The following NFYB variants were observed in gnomAD, a reference collection of about 807,000 sequenced individuals.
NFYB encodes the protein CAAT box DNA-binding protein subunit B.
NFYB carries 13 observed loss-of-function variants against 28.0 expected under a neutral mutation model. The observed-to-expected ratio is 0.46, with a 90% CI of 0.30 to 0.74. The LOEUF (loss-of-function observed/expected upper bound fraction) is 0.74, where lower values mean the gene tolerates loss of function less well. Among genes scored for constraint, NFYB ranks in the 30% least tolerant of loss-of-function variants. The pLI, the probability that NFYB is intolerant of heterozygous loss-of-function variation, is 0.07. For missense variants in NFYB, 142 were observed against 247.6 expected, an observed-to-expected ratio of 0.57 and a Z score of 2.86; for synonymous variants, 74 against 75.0, an observed-to-expected ratio of 0.99 and a Z score of 0.07.
chr12:104,128,902 A>C (rs898337442), intron 2 of NFYB, among the ~76,000 whole-genome samples: 4 of 152,062 alleles, frequency 2.6e-5, no homozygotes, highest in Non-Finnish European at 5.9e-5. Flanking sequence ...TCCTGGGCTC[A>C]AACAAACCAC....
chr12:104,121,283 T>C lies in NFYB; in HGVS notation c.468A>G (p.Thr156=), dbSNP rs751953726. Reference sequence around the variant, plus strand: ...GCTCTTCACTTAGTCCATCTGTAGCTGTGACTGCTCCACCAATTCCCTTTT... The same window carrying C: ...GCTCTTCACTTAGTCCATCTGTAGCCGTGACTGCTCCACCAATTCCCTTTT... The part of the protein sequence containing the change: ...KGEKGIGGAV[T]ATDGLSEELT... The change falls in exon 6 of 8, where the codon ACA becomes ACG. Residue 156 remains threonine, a synonymous_variant. Coordinates refer to ENST00000240055, the MANE Select transcript of NFYB (RefSeq NM_006166.4). 1 of 1,612,808 alleles carries C rather than the reference T, an allele frequency of 6.2e-7. No homozygotes were observed. The highest frequency in any genetic ancestry group is 8.5e-7 in the Non-Finnish European group (1 of 1,179,690).
chr12:104,120,474 G>A lies in NFYB; in HGVS notation c.517C>T (p.Gln173Ter). Residue 173 changes from glutamine to a stop codon, truncating the protein, a stop_gained, in exon 7 of 8, where the codon CAG (glutamine) becomes TAG (stop). Coordinates refer to ENST00000240055, the MANE Select transcript of NFYB (RefSeq NM_006166.4). LOFTEE classifies it high-confidence loss of function. Reference protein sequence around the residue: ...EELTEEAFTNQLPAGLITTDG... With the variant: ...EELTEEAFTN ...GTGGTTATTAAGCCAGCTGGTAACT[G>A]GTTAGCTAAAAGAAAAAAAATTAGT... 6.2e-7 allele frequency: 1 copy of A among 1,613,218 alleles called. No individual in the cohort carries two copies. Among genetic ancestry groups the A allele is most frequent in the Non-Finnish European group, 8.5e-7 (1 of 1,179,380 alleles).
intron 2 of NFYB, among the ~76,000 whole-genome samples, chr12:104,133,112 A>C (rs2030983811): frequency 6.6e-6 from 1 of 152,232 alleles, no homozygotes. Context: ...TTTGTTCCAC[A>C]AACAAATACT....
In NFYB at chr12:104,135,818, T is replaced by C. The variant is rs1295161741; in HGVS notation, c.-79-286A>G. Among the ~76,000 whole-genome samples, 3 of 152,186 alleles carry C rather than the reference T, an allele frequency of 2.0e-5. 1 individual carries two copies. Among genetic ancestry groups the C allele is most frequent in the African/African-American group, 7.2e-5 (3 of 41,452 alleles). On this transcript the variant is annotated intron_variant, in intron 1 of 7. Transcript: ENST00000240055. ...ACCCTGAATTTAGCCATATTCATCA[T>C]AAACATTCATTACAATACACCAAAA...
intron 1 of NFYB, among the ~76,000 whole-genome samples, chr12:104,136,979 T>C (rs2031124647): frequency 6.6e-6 from 1 of 152,204 alleles, no homozygotes; most frequent in Admixed American, 6.5e-5. Flanking sequence ...GAAGGAATAA[T>C]TTGCCTTTTA....
rs2136640428 is a variant in NFYB at position 104,118,309 on chromosome 12, C to A, written c.*1428G>T. On this transcript the variant is annotated 3_prime_UTR_variant, in exon 8 of 8. Transcript: ENST00000240055. Reference sequence around the variant, plus strand: ...CATTTTTTCCTATTTGAATTTACTACAATGAAGTTTGTTTTTTAAATGGAG... The same window carrying A: ...CATTTTTTCCTATTTGAATTTACTAAAATGAAGTTTGTTTTTTAAATGGAG... 1 of 152,604 alleles carries A rather than the reference C, an allele frequency of 6.6e-6. No individual in the cohort carries two copies. The highest frequency in any genetic ancestry group is 3.4e-3 in the Middle Eastern group (1 of 294). The allele number at this position is 152,604 out of a possible 1,614,324, so 9.5% of individuals were successfully genotyped here.
chr12:104,121,771 T>C (rs1426662634), intron 5 of NFYB, among the ~76,000 whole-genome samples: 2 of 152,210 alleles, frequency 1.3e-5, no homozygotes, highest in African/African-American at 2.4e-5. Flanking sequence ...CAAATACTTC[T>C]AGGTTCCTAT....
chr12:104,128,668 AAATT>A lies in NFYB; in HGVS notation c.7-155_7-152del, dbSNP rs2030814321. On this transcript the variant is annotated intron_variant, in intron 2 of 7. Transcript: ENST00000240055. The stretch of plus-strand genomic sequence containing the variant: ...AGAGAATTTATATTTCTTTTTTAAA[AAATT>A]AATTATTTTTTTGAGACAGGGTCTT... The A allele has an allele frequency of 6.7e-6, 3 of 448,338 alleles. No individual in the cohort carries two copies. In the East Asian group the frequency reaches 1.2e-4, roughly 18 times the overall value. The allele number at this position is 448,338 out of a possible 1,614,324, so 27.8% of individuals were successfully genotyped here. A position where few individuals can be genotyped will look rare whatever the true frequency, so the allele number is the denominator to read the frequency against.
intron 2 of NFYB, chr12:104,131,014 G>A (rs953115744): frequency 6.6e-6 from 1 of 152,170 alleles, no homozygotes; most frequent in African/African-American, 2.4e-5. Flanking sequence ...AATTGGCTAT[G>A]AGCAAGACAC....
chr12:104,130,676 AC>A (rs1014606280), intron 2 of NFYB, among the ~76,000 whole-genome samples: 1 of 152,220 alleles, frequency 6.6e-6, no homozygotes, highest in African/African-American at 2.4e-5. Context: ...TTAAACTAAC[AC>A]AAATAAATGT....
At chr12:104,123,860 A>G (rs2030579048) in intron 4 of NFYB, among the ~76,000 whole-genome samples, 6 of 152,038 alleles carry the variant, frequency 3.9e-5, no homozygotes, top group Admixed American at 3.9e-4. Context: ...ACTCAGGAGG[A>G]TGAGGCAGGA....
At chr12:104,135,589 A>G (rs2136674884) in intron 1 of NFYB, 57 bp from the exon 2 acceptor site, 1 of 675,108 alleles carries the variant, frequency 1.5e-6, no homozygotes, top group Non-Finnish European at 2.4e-6. Flanking sequence ...AATACATCAA[A>G]TGTATCACTT....
chr12:104,126,074 T>G, intron 4 of NFYB, 40 bp downstream of exon 4: 1 of 1,530,608 alleles, frequency 6.5e-7, no homozygotes, highest in Non-Finnish European at 8.7e-7. Context: ...GTTTCGTGTT[T>G]CCCTTGAAAA....
intron 4 of NFYB, 62 bp downstream of exon 4, chr12:104,126,052 T>C: frequency 1.3e-6 from 2 of 1,482,406 alleles, no homozygotes; most frequent in Non-Finnish European, 1.8e-6. Flanking sequence ...CCATGACCTA[T>C]GAATTCATGT....
chr12:104,120,681 A>G (rs2030437912), intron 6 of NFYB, among the ~76,000 whole-genome samples: 1 of 152,142 alleles, frequency 6.6e-6, no homozygotes, highest in African/African-American at 2.4e-5. Flanking sequence ...GCGTTTTTCA[A>G]TTTTCCTATC....
chr12:104,132,324 C>T (rs2030953967), intron 2 of NFYB, among the ~76,000 whole-genome samples: 1 of 151,678 alleles, frequency 6.6e-6, no homozygotes, highest in South Asian at 2.1e-4. Context: ...TTGGAAGGCG[C>T]TAAGGAGGGG....
At chr12:104,126,615 AT>A (rs1205493224) in intron 3 of NFYB, among the ~76,000 whole-genome samples, 1 of 151,816 alleles carries the variant, frequency 6.6e-6, no homozygotes, top group Non-Finnish European at 1.5e-5. Flanking sequence ...ATTATTCCTC[AT>A]TTCTCCTATT....
At chr12:104,128,858 G>A (rs2030821390) in intron 2 of NFYB, among the ~76,000 whole-genome samples, 2 of 151,946 alleles carry the variant, frequency 1.3e-5, no homozygotes. Context: ...AGCAGAGACA[G>A]GGTTTTGCTA....
In NFYB at chr12:104,118,875, A is replaced by G. The variant is rs2030360639; in HGVS notation, c.*862T>C. 1 of 152,216 alleles carries G rather than the reference A, an allele frequency of 6.6e-6. No individual in the cohort carries two copies. The highest frequency in any genetic ancestry group is 1.5e-5 in the Non-Finnish European group (1 of 68,028). 9.4% of individuals were successfully genotyped at this position (152,216 alleles called of 1,614,324 possible). ...AAATGAAGACATTTACCATCAGACT[A>G]TAAAACTCCTCTTCTGTAAGAGAAT... is the stretch of plus-strand genomic sequence containing the variant. On this transcript the variant is annotated 3_prime_UTR_variant, in exon 8 of 8. Transcript: ENST00000240055.
Sources: allele counts gnomAD v4.1 joint callset (sites outside exome capture counted in the v4.1 genomes callset), GRCh38; gene constraint gnomAD v4.1.1; transcripts MANE v1.5; gene names NCBI Gene and HGNC (gene_info 2026-07-23, HGNC 2026-07-21).